Variants in PSMA1 observed in about 807,000 individuals in gnomAD.
PSMA1 encodes proteasome subunit alpha type-1.
A neutral mutation model predicts 38.4 loss-of-function variants in PSMA1; 3 were observed. The ratio of observed to expected loss-of-function variants is 0.08; its 90% CI spans 0.04 to 0.20. The LOEUF (loss-of-function observed/expected upper bound fraction) is 0.20, where lower values mean the gene tolerates loss of function less well. Ranked by LOEUF, PSMA1 falls within the 10% of genes least tolerant of loss-of-function variation. The pLI is 1.00. For missense variants in PSMA1, 227 were observed against 325.3 expected (o/e 0.70, Z 2.32); for synonymous variants, 101 against 107.1 (o/e 0.94, Z 0.35).
intron 2 of PSMA1, among the ~76,000 whole-genome samples, chr11:14,570,425 A>G (rs1320307884): frequency 1.3e-5 from 2 of 152,244 alleles, no homozygotes; most frequent in Non-Finnish European, 2.9e-5. Context: ...CTCCAAGCTA[A>G]AGGAGGATGT....
At chr11:14,568,818 T>A (rs1852103639) in intron 2 of PSMA1, among the ~76,000 whole-genome samples, 1 of 152,226 alleles carries the variant, frequency 6.6e-6, no homozygotes, top group Non-Finnish European at 1.5e-5. Context: ...TGTATAAGAC[T>A]TTGCTTCTGC....
intron 2 of PSMA1, among the ~76,000 whole-genome samples, chr11:14,584,507 GTTTTTTT>G (rs58620375): frequency 3.8e-4 from 48 of 124,810 alleles, no homozygotes; most frequent in African/African-American, 1.4e-3. Context: ...TTTGTTTTTT[GTTTTTTT>G]TTTTTTTTTT....
chr11:14,520,090 A>C (rs1851502747), intron 1 of PSMA1: 2 of 726,730 alleles, frequency 2.8e-6, no homozygotes, highest in Non-Finnish European at 4.6e-6. Flanking sequence ...CGGGAAGCGA[A>C]AGCGGTGGAA....
intron 2 of PSMA1, among the ~76,000 whole-genome samples, chr11:14,561,484 A>G (rs557639434): frequency 1.2e-4 from 18 of 152,348 alleles, no homozygotes; most frequent in African/African-American, 4.1e-4. Context: ...TCAGCTGGTT[A>G]CCACAGTGAC....
At chr11:14,519,309 T>C (rs1851486378) in intron 1 of PSMA1, 9 of 499,898 alleles carry the variant, frequency 1.8e-5, no homozygotes, top group Non-Finnish European at 3.1e-5. Context: ...TTAGGCTCAA[T>C]TACTAAAGTT....
intron 1 of PSMA1, among the ~76,000 whole-genome samples, chr11:14,626,986 G>C (rs1215653757): frequency 6.6e-6 from 1 of 152,144 alleles, no homozygotes; most frequent in African/African-American, 2.4e-5. Context: ...TGGCACGGTT[G>C]GTTTCTTCTG....
intron 9 of PSMA1, chr11:14,507,453 A>G (rs751967554): frequency 4.2e-6 from 2 of 474,840 alleles, no homozygotes; most frequent in Non-Finnish European, 7.4e-6. Context: ...GGCATGAGCC[A>G]CCGCACCCGG....
At chr11:14,622,965 C>G (rs895091266) in intron 1 of PSMA1, among the ~76,000 whole-genome samples, 3 of 152,198 alleles carry the variant, frequency 2.0e-5, no homozygotes, top group African/African-American at 7.2e-5. Context: ...TGGTGAATTA[C>G]TGGGACTGGT....
At chr11:14,544,948 T>G (rs893969548) in intron 2 of PSMA1, among the ~76,000 whole-genome samples, 13 of 152,180 alleles carry the variant, frequency 8.5e-5, no homozygotes, top group Admixed American at 6.5e-5. Context: ...TCAACATTGA[T>G]AAACAAAATA....
chr11:14,607,243 C>T (rs974274518), intron 2 of PSMA1, among the ~76,000 whole-genome samples: 1 of 152,168 alleles, frequency 6.6e-6, no homozygotes, highest in Non-Finnish European at 1.5e-5. Flanking sequence ...CTGAACATTT[C>T]CCAGACTCTA....
chr11:14,581,823 C>A (rs889967626), intron 2 of PSMA1, among the ~76,000 whole-genome samples: 6 of 152,148 alleles, frequency 3.9e-5, no homozygotes, highest in Non-Finnish European at 2.9e-5. Context: ...TTCTTCTATA[C>A]GAATTTTATT....
chr11:14,638,470 T>C (rs1356549261), intron 1 of PSMA1, among the ~76,000 whole-genome samples: 3 of 142,428 alleles, frequency 2.1e-5, no homozygotes, highest in Non-Finnish European at 4.5e-5. Context: ...CAAAACTGCA[T>C]GAATACATTT....
At chr11:14,540,965 G>A (rs1259750005) in intron 2 of PSMA1, among the ~76,000 whole-genome samples, 2 of 152,032 alleles carry the variant, frequency 1.3e-5, no homozygotes, top group African/African-American at 4.8e-5. Context: ...GGGAGGGATA[G>A]CATTCGGAGA....
At position 14,505,172 on chromosome 11, in the gene PSMA1, T is replaced by A; in HGVS notation, c.*20A>T. The A allele has an allele frequency of 6.3e-7, 1 of 1,592,516 alleles. No homozygotes were observed. Among genetic ancestry groups the A allele is most frequent in the Non-Finnish European group, 8.6e-7 (1 of 1,160,354 alleles). On this transcript the variant is annotated 3_prime_UTR_variant, in exon 10 of 10. Coordinates refer to ENST00000396394, the MANE Select transcript of PSMA1 (RefSeq NM_002786.4). The stretch of plus-strand genomic sequence containing the variant: ...GTATTCTTACATATTTGATAATACA[T>A]ATATAGACTGGCTTATCACTTAATG...
intron 1 of PSMA1, among the ~76,000 whole-genome samples, chr11:14,630,876 T>C (rs956913883): frequency 2.6e-5 from 4 of 152,144 alleles, no homozygotes; most frequent in African/African-American, 9.7e-5. Flanking sequence ...ATTCAACTTC[T>C]TCCTGGTTTA....
intron 1 of PSMA1, among the ~76,000 whole-genome samples, chr11:14,622,278 A>C (rs908774299): frequency 1.3e-5 from 2 of 152,246 alleles, no homozygotes; most frequent in Non-Finnish European, 2.9e-5. Context: ...AGAGAGGATC[A>C]GAAACAGTTC....
upstream of PSMA1, among the ~76,000 whole-genome samples, chr11:14,520,847 G>A (rs994676930): frequency 7.2e-5 from 11 of 152,224 alleles, no homozygotes; most frequent in Non-Finnish European, 1.5e-4. Flanking sequence ...TTTGCATTAA[G>A]GTTGGTGCAA....
intron 2 of PSMA1, among the ~76,000 whole-genome samples, chr11:14,591,396 C>T (rs1003167853): frequency 6.6e-6 from 1 of 152,216 alleles, no homozygotes; most frequent in African/African-American, 2.4e-5. Context: ...GAGTGCCGCC[C>T]CCTGCTCCAG....
intron 1 of PSMA1, among the ~76,000 whole-genome samples, chr11:14,630,371 T>A (rs1277353679): frequency 6.6e-6 from 1 of 152,246 alleles, no homozygotes; most frequent in African/African-American, 2.4e-5. Flanking sequence ...GTTTTTAGCA[T>A]GAAGGGTTGT....
Sources: gnomAD v4.1 joint callset for allele counts (sites outside exome capture counted in the v4.1 genomes callset) on GRCh38, gnomAD v4.1.1 for gene constraint, MANE v1.5 for transcripts, NCBI Gene and HGNC (gene_info 2026-07-23, HGNC 2026-07-21) for gene names.